KIAA1328: variants seen among roughly 807,000 people sequenced by gnomAD.
The protein encoded by KIAA1328 is protein hinderin.
KIAA1328 carries 52 observed loss-of-function variants against 68.1 expected under a neutral mutation model. The observed-to-expected ratio is 0.76, with a 90% CI of 0.61 to 0.96. The LOEUF (loss-of-function observed/expected upper bound fraction) is 0.96. Among genes scored for constraint, KIAA1328 ranks in the 40% least tolerant of loss-of-function variants. KIAA1328 has a pLI of 0.00. For missense variants in KIAA1328, 641 were observed against 677.6 expected (o/e 0.95, Z 0.60); for synonymous variants, 232 against 239.4 (o/e 0.97, Z 0.28).
At chr18:37,002,955 C>A (rs1422825296) in intron 6 of KIAA1328, among the ~76,000 whole-genome samples, 1 of 151,998 alleles carries the variant, frequency 6.6e-6, no homozygotes, top group African/African-American at 2.4e-5. Context: ...CCATCGGAAC[C>A]AAAATAGTAT....
chr18:37,095,440 G>T (rs139202693), intron 7 of KIAA1328, among the ~76,000 whole-genome samples: 326 of 152,152 alleles, frequency 2.1e-3, no homozygotes, highest in African/African-American at 7.4e-3. Flanking sequence ...ATAAAAAAAT[G>T]TACATATGTA....
intron 4 of KIAA1328, among the ~76,000 whole-genome samples, chr18:36,882,354 A>G (rs764692277): frequency 7.9e-5 from 12 of 152,188 alleles, no homozygotes; most frequent in Non-Finnish European, 1.3e-4. Context: ...TTCTTGTTAC[A>G]TATACTTCAT....
At chr18:36,958,123 C>T (rs1179412249) in intron 5 of KIAA1328, among the ~76,000 whole-genome samples, 1 of 152,078 alleles carries the variant, frequency 6.6e-6, no homozygotes, top group East Asian at 1.9e-4. Flanking sequence ...CATGTTGTAG[C>T]AGGTAGCAGT....
intron 1 of KIAA1328, among the ~76,000 whole-genome samples, chr18:36,829,682 G>A (rs2046394002): frequency 6.6e-6 from 1 of 152,202 alleles, no homozygotes; most frequent in Non-Finnish European, 1.5e-5. Flanking sequence ...AGGCCCTCCA[G>A]TGATGATGTA....
At chr18:37,041,126 C>T (rs974481084) in intron 6 of KIAA1328, among the ~76,000 whole-genome samples, 1 of 151,820 alleles carries the variant, frequency 6.6e-6, no homozygotes, top group Non-Finnish European at 1.5e-5. Flanking sequence ...TTAGTTGTTC[C>T]AGCAAGTATT....
At chr18:37,139,906 C>T (rs565481015) in intron 7 of KIAA1328, among the ~76,000 whole-genome samples, 8 of 152,218 alleles carry the variant, frequency 5.3e-5, no homozygotes, top group Admixed American at 4.6e-4. Flanking sequence ...AGGATCAGAG[C>T]TCATTTTACT....
At chr18:36,975,961 A>G (rs1275910079) in intron 6 of KIAA1328, among the ~76,000 whole-genome samples, 1 of 152,160 alleles carries the variant, frequency 6.6e-6, no homozygotes, top group Non-Finnish European at 1.5e-5. Flanking sequence ...AGTCCTCTGG[A>G]TTAGGCATGT....
intron 6 of KIAA1328, among the ~76,000 whole-genome samples, chr18:37,006,523 G>T (rs1415940201): frequency 6.6e-6 from 1 of 151,882 alleles, no homozygotes; most frequent in African/African-American, 2.4e-5. Context: ...TATCTCTTCT[G>T]TGACTTTTTT....
intron 7 of KIAA1328, among the ~76,000 whole-genome samples, chr18:37,144,214 A>G (rs1255101942): frequency 6.6e-6 from 1 of 152,172 alleles, no homozygotes; most frequent in African/African-American, 2.4e-5. Flanking sequence ...TGTTCATGAT[A>G]TAACCTTAAT....
intron 6 of KIAA1328, among the ~76,000 whole-genome samples, chr18:37,035,567 A>G (rs926292538): frequency 6.6e-6 from 1 of 152,334 alleles, no homozygotes; most frequent in Non-Finnish European, 1.5e-5. Context: ...CTATCAAAAG[A>G]AATGACCAGT....
At chr18:37,143,654 A>G (rs1005688684) in intron 7 of KIAA1328, among the ~76,000 whole-genome samples, 2 of 151,564 alleles carry the variant, frequency 1.3e-5, no homozygotes, top group Admixed American at 1.3e-4. Context: ...CCAGTAAGTA[A>G]AATGTTAAAT....
chr18:37,079,033 A>G (rs1415440366), intron 7 of KIAA1328, among the ~76,000 whole-genome samples: 1 of 151,594 alleles, frequency 6.6e-6, no homozygotes, highest in Non-Finnish European at 1.5e-5. Flanking sequence ...ATGCACACGT[A>G]TGTTTATTGC....
At chr18:36,971,283 TA>T (rs1351585573) in intron 6 of KIAA1328, among the ~76,000 whole-genome samples, 4 of 152,208 alleles carry the variant, frequency 2.6e-5, no homozygotes, top group African/African-American at 9.6e-5. Flanking sequence ...TTGCACCTTA[TA>T]CAAAAAATAA....
chr18:37,060,753 C>A (rs2056113798), intron 6 of KIAA1328, among the ~76,000 whole-genome samples: 1 of 152,088 alleles, frequency 6.6e-6, no homozygotes, highest in South Asian at 2.1e-4. Context: ...TCATAATAAC[C>A]CCTAACTAGA....
chr18:37,036,830 CTAGAT>C (rs944674012), intron 6 of KIAA1328, among the ~76,000 whole-genome samples: 6 of 152,116 alleles, frequency 3.9e-5, no homozygotes, highest in African/African-American at 1.4e-4. Flanking sequence ...CAAATTTAGT[CTAGAT>C]TAAAGAACTA....
intron 6 of KIAA1328, among the ~76,000 whole-genome samples, chr18:36,964,740 T>A (rs187468140): frequency 6.6e-6 from 1 of 152,192 alleles, no homozygotes; most frequent in African/African-American, 2.4e-5. Flanking sequence ...TAGTGTTTAT[T>A]TGATGTGTGT....
rs1479618975 is a variant in KIAA1328, at chr18:36,959,399, C to T, written c.540C>T (p.Leu180=). 1 of 1,609,734 alleles carries T rather than the reference C, an allele frequency of 6.2e-7. No individual in the cohort carries two copies. Among genetic ancestry groups the T allele is most frequent in the Admixed American group, 1.7e-5 (1 of 59,228 alleles). The change falls in exon 6 of 10, where the codon CTC becomes CTT. Residue 180 remains leucine, a synonymous_variant. Coordinates refer to ENST00000280020, the MANE Select transcript of KIAA1328 (RefSeq NM_020776.3). Reference sequence around the variant, plus strand: ...AACAGGAGAAGCTCACCATGTCTCTCTCAGAACTTGGTGCTGCTAGAATGC... The same window carrying T: ...AACAGGAGAAGCTCACCATGTCTCTTTCAGAACTTGGTGCTGCTAGAATGC... The part of the protein sequence containing the change: ...SEQQEKLTMS[L]SELGAARMQE...
intron 6 of KIAA1328, among the ~76,000 whole-genome samples, chr18:37,034,932 G>A (rs2054969022): frequency 6.6e-6 from 1 of 152,114 alleles, no homozygotes; most frequent in South Asian, 2.1e-4. Context: ...GAAAGCATAA[G>A]AATTAGAAAA....
chr18:36,888,016 A>G (rs2048558112), intron 5 of KIAA1328, among the ~76,000 whole-genome samples: 1 of 152,220 alleles, frequency 6.6e-6, no homozygotes, highest in Non-Finnish European at 1.5e-5. Context: ...AGACTGTTAT[A>G]TTTAGCACTC....
Sources: allele counts gnomAD v4.1 joint callset (sites outside exome capture counted in the v4.1 genomes callset), GRCh38; gene constraint gnomAD v4.1.1; transcripts MANE v1.5; gene names NCBI Gene and HGNC (gene_info 2026-07-23, HGNC 2026-07-21).